Variants in GPD2 observed in about 807,000 individuals in gnomAD.
GPD2 encodes the protein glycerol-3-phosphate dehydrogenase, mitochondrial.
GPD2 carries 54 observed loss-of-function variants against 82.4 expected under a neutral mutation model. The ratio of observed to expected loss-of-function variants is 0.66; its 90% CI spans 0.53 to 0.82. The LOEUF is 0.82. Ranked by LOEUF, GPD2 falls within the 40% of genes least tolerant of loss-of-function variation. The pLI, the probability that GPD2 is intolerant of heterozygous loss-of-function variation, is 0.00. For missense variants in GPD2, 748 were observed against 896.2 expected, an observed-to-expected ratio of 0.83 and a Z score of 2.11; for synonymous variants, 288 against 306.1, an observed-to-expected ratio of 0.94 and a Z score of 0.62.
intron 2 of GPD2, among the ~76,000 whole-genome samples, chr2:156,491,179 A>C (rs1331806959): frequency 6.6e-6 from 1 of 152,236 alleles, no homozygotes. Flanking sequence ...AGAACATGAT[A>C]TAAACAGAAG....
chr2:156,548,475 T>C (rs1371207538), intron 6 of GPD2, among the ~76,000 whole-genome samples: 2 of 152,186 alleles, frequency 1.3e-5, no homozygotes, highest in Non-Finnish European at 2.9e-5. Context: ...CCGATTATAT[T>C]AGTTCAGTGG....
intron 1 of GPD2, among the ~76,000 whole-genome samples, chr2:156,454,536 A>G (rs1175259060): frequency 6.6e-6 from 1 of 152,048 alleles, no homozygotes. Context: ...TCTTTATATG[A>G]TATGGGAAAA....
At chr2:156,405,344 C>T in the GPD2 span, among the ~76,000 whole-genome samples, 1 of 152,054 alleles carries the variant, frequency 6.6e-6, no homozygotes, top group African/African-American at 2.4e-5. Context: ...TTAGATCAAC[C>T]CCAGGAGAAA....
At chr2:156,400,575 C>G in the GPD2 span, among the ~76,000 whole-genome samples, 2 of 152,200 alleles carry the variant, frequency 1.3e-5, no homozygotes, top group East Asian at 3.8e-4. Context: ...CCCAGGTGAG[C>G]GTTTCGTTGC....
chr2:156,582,973 A>C lies in GPD2; in HGVS notation c.*55A>C. 6.3e-7 allele frequency: 1 copy of C among 1,591,924 alleles called. No homozygotes were observed. Among genetic ancestry groups the C allele is most frequent in the Non-Finnish European group, 8.6e-7 (1 of 1,160,968 alleles). ...CATAGAAACGACAAATCACCATGTAACAACCAGAGATGACTGAAACCACTC... is the reference window on the plus strand; with the variant it reads ...CATAGAAACGACAAATCACCATGTACCAACCAGAGATGACTGAAACCACTC... On this transcript the variant is annotated 3_prime_UTR_variant, in exon 17 of 17. Transcript: ENST00000438166.
the GPD2 span, among the ~76,000 whole-genome samples, chr2:156,423,002 T>C: frequency 6.6e-6 from 1 of 152,240 alleles, no homozygotes; most frequent in Non-Finnish European, 1.5e-5. Context: ...TTGCTTTATA[T>C]GCCCCAGGGA....
chr2:156,539,864 C>T (rs747891364), intron 6 of GPD2, among the ~76,000 whole-genome samples: 1 of 152,096 alleles, frequency 6.6e-6, no homozygotes, highest in Non-Finnish European at 1.5e-5. Flanking sequence ...TTGTATAATT[C>T]GATTCTTGAG....
At chr2:156,436,001 G>A (rs1394067729), upstream of GPD2, among the ~76,000 whole-genome samples, 1 of 152,202 alleles carries the variant, frequency 6.6e-6, no homozygotes, top group Non-Finnish European at 1.5e-5. Context: ...GCATCGCCGA[G>A]GCACAAAGCA....
intron 1 of GPD2, among the ~76,000 whole-genome samples, chr2:156,459,570 C>G (rs1375477017): frequency 6.6e-6 from 1 of 150,706 alleles, no homozygotes; most frequent in East Asian, 1.9e-4. Flanking sequence ...TGCCTGTAAT[C>G]CCAGCTATTT....
the GPD2 span, among the ~76,000 whole-genome samples, chr2:156,401,280 ACAAT>A: frequency 2.6e-5 from 4 of 152,222 alleles, no homozygotes; most frequent in Non-Finnish European, 4.4e-5. Context: ...AATTCTCTAA[ACAAT>A]CACGTATTTG....
intron 6 of GPD2, among the ~76,000 whole-genome samples, chr2:156,533,723 T>C (rs1685951076): frequency 6.6e-6 from 1 of 152,220 alleles, no homozygotes; most frequent in South Asian, 2.1e-4. Flanking sequence ...GCTGCATGTA[T>C]GTAAAATTTT....
At chr2:156,451,121 C>G (rs945956891) in intron 1 of GPD2, among the ~76,000 whole-genome samples, 94 of 150,116 alleles carry the variant, frequency 6.3e-4, no homozygotes, top group Middle Eastern at 3.5e-3. Flanking sequence ...CCTTTCCCCC[C>G]GTTCTATTCC....
chr2:156,440,221 C>T (rs570413168), intron 1 of GPD2, among the ~76,000 whole-genome samples: 120 of 152,176 alleles, frequency 7.9e-4, no homozygotes, highest in East Asian at 2.7e-3. Context: ...TGACATGATG[C>T]GTGAAAGAAA....
intron 6 of GPD2, among the ~76,000 whole-genome samples, chr2:156,525,184 C>A (rs1685558371): frequency 6.6e-6 from 1 of 152,176 alleles, no homozygotes; most frequent in South Asian, 2.1e-4. Context: ...AACATAAACT[C>A]ATGAATTTGA....
At chr2:156,581,572 GT>G (rs1231228814) in intron 16 of GPD2, among the ~76,000 whole-genome samples, 1 of 151,906 alleles carries the variant, frequency 6.6e-6, no homozygotes, top group East Asian at 1.9e-4. Flanking sequence ...GGTTTTTTTA[GT>G]TTTTTTAAAA....
intron 1 of GPD2, among the ~76,000 whole-genome samples, chr2:156,466,876 CTCGT>C (rs1372784788): frequency 5.3e-5 from 8 of 152,262 alleles, no homozygotes; most frequent in African/African-American, 1.9e-4. Context: ...ACTAGCTCAA[CTCGT>C]TTCTTAGCCA....
chr2:156,512,136 A>G lies in GPD2; in HGVS notation c.400-84A>G, dbSNP rs563535638. The G allele has an allele frequency of 5.5e-5, 43 of 777,426 alleles. No individual in the cohort carries two copies. The East Asian group carries it at 9.4e-4, about 17-fold the overall frequency. 48.2% of individuals were successfully genotyped at this position (777,426 alleles called of 1,614,324 possible). On this transcript the variant is annotated intron_variant, in intron 4 of 16. Coordinates refer to ENST00000438166, the MANE Select transcript of GPD2 (RefSeq NM_000408.5). ...AGAGATAGAAGGTTTCTGTGTATCAATCAGTTGGCAGGGTGTCTATTTGCC... is the reference window on the plus strand; with the variant it reads ...AGAGATAGAAGGTTTCTGTGTATCAGTCAGTTGGCAGGGTGTCTATTTGCC...
intron 6 of GPD2, among the ~76,000 whole-genome samples, chr2:156,529,575 T>C (rs1031400273): frequency 6.6e-6 from 1 of 152,162 alleles, no homozygotes; most frequent in Admixed American, 6.5e-5. Flanking sequence ...GTTTTAATTC[T>C]AACGTTTAAG....
At chr2:156,545,574 G>C (rs1686497679) in intron 6 of GPD2, among the ~76,000 whole-genome samples, 1 of 152,188 alleles carries the variant, frequency 6.6e-6, no homozygotes, top group Admixed American at 6.5e-5. Flanking sequence ...AACAAATAGA[G>C]TTTCTATACT....
Sources: allele counts gnomAD v4.1 joint callset (sites outside exome capture counted in the v4.1 genomes callset), GRCh38; gene constraint gnomAD v4.1.1; transcripts MANE v1.5; gene names NCBI Gene and HGNC (gene_info 2026-07-23, HGNC 2026-07-21).